CEP83: variants seen among roughly 807,000 people sequenced by gnomAD.
CEP83 encodes centrosomal protein of 83 kDa.
A neutral mutation model predicts 101.9 loss-of-function variants in CEP83; 70 were observed. The observed-to-expected ratio is 0.69, with a 90% confidence interval of 0.57 to 0.84. The LOEUF is 0.84. Among genes scored for constraint, CEP83 ranks in the 40% least tolerant of loss-of-function variants. CEP83 has a pLI of 0.00. For missense variants in CEP83, 715 were observed against 787.2 expected (o/e 0.91, Z 1.10); for synonymous variants, 264 against 267.9 (o/e 0.99, Z 0.14).
chr12:94,373,838 T>A (rs895828487), intron 8 of CEP83, among the ~76,000 whole-genome samples: 1 of 152,224 alleles, frequency 6.6e-6, no homozygotes, highest in African/African-American at 2.4e-5. Flanking sequence ...TTTGCTAGAA[T>A]TGCAAAATGT....
chr12:94,341,155 T>C (rs2059667841), intron 11 of CEP83, among the ~76,000 whole-genome samples: 1 of 152,202 alleles, frequency 6.6e-6, no homozygotes, highest in African/African-American at 2.4e-5. Context: ...AATACAGTAC[T>C]TTTATAAAAA....
intron 11 of CEP83, among the ~76,000 whole-genome samples, chr12:94,348,760 C>T (rs114061500): frequency 3.7e-4 from 57 of 152,210 alleles, no homozygotes; most frequent in African/African-American, 1.3e-3. Context: ...CTGCAATGCC[C>T]GCAGCCGGCA....
At chr12:94,446,254 T>G (rs994575120) in intron 1 of CEP83, among the ~76,000 whole-genome samples, 17 of 152,260 alleles carry the variant, frequency 1.1e-4, no homozygotes, top group African/African-American at 4.1e-4. Context: ...CAACGTTTAA[T>G]GTTGGAAGTG....
At chr12:94,449,022 C>CAA (rs2067018196) in intron 1 of CEP83, among the ~76,000 whole-genome samples, 1 of 66,722 alleles carries the variant, frequency 1.5e-5, no homozygotes. Flanking sequence ...TCAACAAAAT[C>CAA]GAAAAAAAAA....
intron 14 of CEP83, among the ~76,000 whole-genome samples, chr12:94,316,629 T>C (rs1565898107): frequency 6.6e-6 from 1 of 152,144 alleles, no homozygotes; most frequent in Non-Finnish European, 1.5e-5. Flanking sequence ...TGTGTCCATG[T>C]GTTCTCATCA....
rs908104763 is a variant in CEP83, at chr12:94,312,953, T to C, written c.1772A>G (p.Lys591Arg). ...LQEKVEVLEAKKEELETENQV... is the reference protein window; with the variant it reads ...LQEKVEVLEARKEELETENQV... Reference sequence around the variant, plus strand: ...ATTTTCTGTTTCCAATTCTTCTTTCTTTGCCTCCAAGACTTCTACTTTCTC... The same window carrying C: ...ATTTTCTGTTTCCAATTCTTCTTTCCTTGCCTCCAAGACTTCTACTTTCTC... The change falls in exon 15 of 17, where the codon AAG (lysine) becomes AGG (arginine). Residue 591 changes from lysine to arginine, a missense_variant. Lys to Arg is a conservative substitution (Grantham distance 26, BLOSUM62 2). Coordinates refer to ENST00000397809, the MANE Select transcript of CEP83 (RefSeq NM_016122.3). The C allele has an allele frequency of 1.3e-6, 2 of 1,593,406 alleles. No homozygotes were observed. Among genetic ancestry groups the C allele is most frequent in the Non-Finnish European group, 1.7e-6 (2 of 1,165,126 alleles).
chr12:94,338,995 A>T (rs1449349030), intron 11 of CEP83, among the ~76,000 whole-genome samples: 2 of 146,708 alleles, frequency 1.4e-5, no homozygotes, highest in African/African-American at 5.1e-5. Context: ...ATGGAGTTTC[A>T]CTCTTGTTGC....
chr12:94,364,669 A>G (rs1463246018), intron 11 of CEP83, among the ~76,000 whole-genome samples: 1 of 152,150 alleles, frequency 6.6e-6, no homozygotes, highest in Non-Finnish European at 1.5e-5. Flanking sequence ...GTAAAATGGC[A>G]CATGAACAGA....
chr12:94,316,369 T>G (rs1216154721), intron 14 of CEP83, among the ~76,000 whole-genome samples: 1 of 150,134 alleles, frequency 6.7e-6, no homozygotes, highest in Non-Finnish European at 1.5e-5. Flanking sequence ...AATAGTTTGA[T>G]AGGTTTGACT....
At chr12:94,300,618 G>A in the CEP83 span, among the ~76,000 whole-genome samples, 9 of 152,104 alleles carry the variant, frequency 5.9e-5, no homozygotes, top group Non-Finnish European at 1.3e-4. Flanking sequence ...TCAGGAGATG[G>A]GAAATAATCC....
chr12:94,459,122 G>T (rs893630816), intron 1 of CEP83, among the ~76,000 whole-genome samples: 2 of 152,202 alleles, frequency 1.3e-5, no homozygotes, highest in African/African-American at 4.8e-5. Flanking sequence ...ACTTAGCAGT[G>T]GATATTCTTA....
chr12:94,287,264 CG>C, the CEP83 span, among the ~76,000 whole-genome samples: 1 of 152,184 alleles, frequency 6.6e-6, no homozygotes, highest in East Asian at 1.9e-4. Flanking sequence ...TAAACCCTCC[CG>C]GTGCGCTTCC....
chr12:94,282,505 C>A, the CEP83 span: 1 of 769,006 alleles, frequency 1.3e-6, no homozygotes. Flanking sequence ...CCTGGAATGA[C>A]TTGCAGATCG....
chr12:94,324,611 T>A (rs2058890848), intron 14 of CEP83, among the ~76,000 whole-genome samples: 1 of 152,234 alleles, frequency 6.6e-6, no homozygotes. Flanking sequence ...ACTCTTGGCA[T>A]TTCTATTTTC....
intron 2 of CEP83, chr12:94,424,987 G>C: frequency 7.5e-7 from 1 of 1,336,616 alleles, no homozygotes; most frequent in Non-Finnish European, 1.0e-6. Flanking sequence ...TAATGTTAGG[G>C]AACGAGTGAG....
At chr12:94,349,304 A>G (rs1454058208) in intron 11 of CEP83, among the ~76,000 whole-genome samples, 3 of 150,518 alleles carry the variant, frequency 2.0e-5, no homozygotes, top group Admixed American at 6.6e-5. Flanking sequence ...AAAAAAAAAG[A>G]AAAAAAGTTT....
the CEP83 span, chr12:94,300,894 TTC>T: frequency 6.2e-7 from 1 of 1,604,100 alleles, no homozygotes; most frequent in Non-Finnish European, 8.5e-7. Flanking sequence ...AAAGAGATTA[TTC>T]TCTCTTTGAA....
At chr12:94,302,909 T>C (rs968996426), downstream of CEP83, among the ~76,000 whole-genome samples, 2 of 152,186 alleles carry the variant, frequency 1.3e-5, no homozygotes, top group African/African-American at 2.4e-5. Flanking sequence ...AATGATAGCA[T>C]GATTTCTGGG....
chr12:94,272,519 C>T, the CEP83 span: 1 of 152,382 alleles, frequency 6.6e-6, no homozygotes, highest in African/African-American at 2.4e-5. Context: ...GAGGCCAGCT[C>T]TGGGTCACCA....
Sources: allele counts gnomAD v4.1 joint callset (sites outside exome capture counted in the v4.1 genomes callset), GRCh38; gene constraint gnomAD v4.1.1; transcripts MANE v1.5; gene names NCBI Gene and HGNC (gene_info 2026-07-23, HGNC 2026-07-21).